Variants in PLXNA4 observed in about 807,000 individuals in gnomAD.
The protein encoded by PLXNA4 is plexin A4.
A neutral mutation model predicts 191.8 loss-of-function variants in PLXNA4; 44 were observed. The ratio of observed to expected loss-of-function variants is 0.23; its 90% confidence interval spans 0.18 to 0.29. PLXNA4 has a LOEUF of 0.29. PLXNA4 is among the 10% of genes least tolerant of loss of function. The pLI, the probability that PLXNA4 is intolerant of heterozygous loss-of-function variation, is 1.00. For missense variants in PLXNA4, 1,800 were observed against 2,488.8 expected (o/e 0.72, Z 5.89); for synonymous variants, 1,082 against 1,009.5 (o/e 1.07, Z -1.36).
chr7:132,567,306 CG>C (rs1563179556), intron 1 of PLXNA4, among the ~76,000 whole-genome samples: 1 of 149,376 alleles, frequency 6.7e-6, no homozygotes, highest in African/African-American at 2.5e-5. Context: ...CCCCACCCCC[CG>C]CCGCAATCTA....
At chr7:132,274,909 C>T (rs776072769) in intron 4 of PLXNA4, among the ~76,000 whole-genome samples, 1 of 151,778 alleles carries the variant, frequency 6.6e-6, no homozygotes, top group Non-Finnish European at 1.5e-5. Context: ...CACCCAGCCT[C>T]AGTGCATCAT....
chr7:132,576,621 G>A (rs1802252116), upstream of PLXNA4: 2 of 985,146 alleles, frequency 2.0e-6, no homozygotes, highest in Non-Finnish European at 2.4e-6. This position sits in a 1 kb window ranked among gnomAD's most constrained non-coding sequence, Gnocchi z 5.8. Flanking sequence ...GGAGGGCGCC[G>A]AATCAGAGCC....
At chr7:132,283,633 A>G (rs1270755588) in intron 4 of PLXNA4, among the ~76,000 whole-genome samples, 1 of 152,234 alleles carries the variant, frequency 6.6e-6, no homozygotes, top group East Asian at 1.9e-4. Flanking sequence ...TCAGGCCTAC[A>G]GCCAGAGAGA....
chr7:132,148,755 T>G, intron 25 of PLXNA4, 109 bp from the exon 26 acceptor site: 1 of 1,497,798 alleles, frequency 6.7e-7, no homozygotes, highest in Non-Finnish European at 9.0e-7. Flanking sequence ...GTGTGTCCAT[T>G]GCAAGTGCTA....
chr7:132,474,244 A>G, intron 3 of PLXNA4, among the ~76,000 whole-genome samples: 1 of 151,514 alleles, frequency 6.6e-6, no homozygotes. Flanking sequence ...ACACACACAC[A>G]CACACACACA....
intron 2 of PLXNA4, among the ~76,000 whole-genome samples, chr7:132,500,658 C>A (rs577265728): frequency 4.6e-5 from 7 of 152,222 alleles, no homozygotes; most frequent in African/African-American, 1.2e-4. Flanking sequence ...CCCTTTCTGT[C>A]CCCTTGGGTG....
intron 3 of PLXNA4, among the ~76,000 whole-genome samples, chr7:132,332,956 C>A (rs556026203): frequency 3.7e-4 from 57 of 152,178 alleles, no homozygotes; most frequent in African/African-American, 1.3e-3. Flanking sequence ...TGATATTTTC[C>A]CTTCTTTCTC....
intron 4 of PLXNA4, among the ~76,000 whole-genome samples, chr7:132,279,146 G>A (rs549906149): frequency 6.6e-6 from 1 of 152,322 alleles, no homozygotes; most frequent in Non-Finnish European, 1.5e-5. Context: ...GTCCATTGTG[G>A]TCATCTGGAA....
intron 3 of PLXNA4, among the ~76,000 whole-genome samples, chr7:132,476,328 G>C (rs2117449948): frequency 6.6e-6 from 1 of 152,242 alleles, no homozygotes; most frequent in South Asian, 2.1e-4. Context: ...ACATATTATG[G>C]TACCCAGTTA....
chr7:132,256,414 C>A (rs1347890601), intron 4 of PLXNA4, among the ~76,000 whole-genome samples: 1 of 152,152 alleles, frequency 6.6e-6, no homozygotes, highest in Non-Finnish European at 1.5e-5. Flanking sequence ...GGGTCTGGGG[C>A]AGAGTGGGGC....
At chr7:132,290,563 G>A (rs1036381678) in intron 4 of PLXNA4, among the ~76,000 whole-genome samples, 23 of 152,102 alleles carry the variant, frequency 1.5e-4, no homozygotes, top group African/African-American at 5.6e-4. Flanking sequence ...TGGAATTTTA[G>A]TAAATACACA....
At chr7:132,527,449 G>A (rs1799442280) in intron 1 of PLXNA4, among the ~76,000 whole-genome samples, 1 of 148,208 alleles carries the variant, frequency 6.7e-6, no homozygotes, top group African/African-American at 2.5e-5. Flanking sequence ...AGTTTAAAGA[G>A]GCTAAATGCC....
At position 132,614,058 on chromosome 7, in the gene PLXNA4, G is replaced by T. The variant is rs142984154; in HGVS notation, c.-87+31870C>A. ...GAAAGCCCAGGACTTTGCTGAGAAT[G>T]TGCTTTCACCCAGTGCTATCCTGTA... On this transcript the variant is annotated intron_variant, in intron 2 of 4. Transcript: ENST00000378539. 1.3e-3 allele frequency among the ~76,000 whole-genome samples: 204 copies of T among 152,322 alleles called. 2 individuals are homozygous for T. The highest frequency in any genetic ancestry group is 4.7e-3 in the African/African-American group (196 of 41,572).
At chr7:132,365,724 A>T (rs1317601779) in intron 3 of PLXNA4, among the ~76,000 whole-genome samples, 1 of 152,216 alleles carries the variant, frequency 6.6e-6, no homozygotes, top group Non-Finnish European at 1.5e-5. Context: ...TTCCTCTGCC[A>T]AGTGCTCTTA....
At chr7:132,542,200 A>G (rs147147867) in intron 1 of PLXNA4, among the ~76,000 whole-genome samples, 85 of 152,324 alleles carry the variant, frequency 5.6e-4, no homozygotes, top group African/African-American at 1.9e-3. Flanking sequence ...CTAAGTAAGC[A>G]CTTGATAATG....
In PLXNA4 at chr7:132,637,194, C is replaced by T. The variant is rs115045719; in HGVS notation, c.-87+8734G>A. On this transcript the variant is annotated intron_variant, in intron 2 of 4. Transcript: ENST00000378539. Reference sequence around the variant, plus strand: ...CTCCCCTATTCCTCATCCCCCATTCCGCTCTCAGACCAGGACCACAATTTG... The same window carrying T: ...CTCCCCTATTCCTCATCCCCCATTCTGCTCTCAGACCAGGACCACAATTTG... Among the ~76,000 whole-genome samples the T allele has an allele frequency of 6.0e-3, 921 of 152,236 alleles. 6 individuals carry two copies. The highest frequency in any genetic ancestry group is 0.021 in the African/African-American group (860 of 41,534).
intron 4 of PLXNA4, among the ~76,000 whole-genome samples, chr7:132,284,014 A>G (rs1353330204): frequency 6.6e-6 from 1 of 152,122 alleles, no homozygotes; most frequent in African/African-American, 2.4e-5. Flanking sequence ...TCTACACAAA[A>G]TTTTTAAAAA....
At chr7:132,416,743 C>A (rs1161475448) in intron 3 of PLXNA4, among the ~76,000 whole-genome samples, 3 of 152,202 alleles carry the variant, frequency 2.0e-5, no homozygotes, top group South Asian at 4.1e-4. Context: ...GTTTGGGAAG[C>A]AGCCCAGTAG....
chr7:132,598,361 G>A (rs1054331910), intron 2 of PLXNA4, among the ~76,000 whole-genome samples: 11 of 152,040 alleles, frequency 7.2e-5, no homozygotes, highest in East Asian at 1.9e-4. Flanking sequence ...CGCCAGCCTC[G>A]GCCTCTCAAA....
Sources: gnomAD v4.1 joint callset for allele counts (sites outside exome capture counted in the v4.1 genomes callset) on GRCh38, gnomAD v4.1.1 for gene constraint, Gnocchi (gnomAD v3.1) non-coding constraint, MANE v1.5 for transcripts, NCBI Gene and HGNC (gene_info 2026-07-23, HGNC 2026-07-21) for gene names.